ANKRD29: variants seen among roughly 807,000 people sequenced by gnomAD.
The protein encoded by ANKRD29 is ankyrin repeat domain 29.
ANKRD29 carries 32 observed loss-of-function variants against 38.0 expected under a neutral mutation model. The ratio of observed to expected loss-of-function variants is 0.84; its 90% confidence interval spans 0.64 to 1.13. The LOEUF (loss-of-function observed/expected upper bound fraction) is 1.13, where lower values mean the gene tolerates loss of function less well. Ranked by LOEUF, ANKRD29 falls within the 50% of genes most tolerant of loss-of-function variation. ANKRD29 has a pLI of 0.00. For synonymous variants in ANKRD29, 135 were observed against 152.4 expected (o/e 0.89, Z 0.84); for missense variants, 357 against 377.9 (o/e 0.94, Z 0.46).
intron 3 of ANKRD29, among the ~76,000 whole-genome samples, chr18:23,639,515 A>G (rs986513194): frequency 1.3e-5 from 2 of 150,272 alleles, no homozygotes; most frequent in African/African-American, 2.4e-5. Flanking sequence ...ACAACTATGT[A>G]TGATTTTACT....
Position 23,662,881 on chromosome 18 carries a change from C to T in ANKRD29, c.-151G>A. 1 of 621,754 alleles carries T rather than the reference C, an allele frequency of 1.6e-6. No homozygotes were observed. The highest frequency in any genetic ancestry group is 2.0e-6 in the Non-Finnish European group (1 of 490,082). 38.5% of individuals were successfully genotyped at this position (621,754 alleles called of 1,614,324 possible). A position where few individuals can be genotyped will look rare whatever the true frequency, so the allele number is the denominator to read the frequency against. ...CGCCGCCCGGCCCGGCAGCAGCCGC[C>T]GCACACAGGGCCGGGCCGAAGGGGC... On this transcript the variant is annotated 5_prime_UTR_variant, in exon 1 of 10. Coordinates refer to ENST00000592179, the MANE Select transcript of ANKRD29 (RefSeq NM_173505.4).
chr18:23,609,484 G>A (rs546018904), intron 9 of ANKRD29, among the ~76,000 whole-genome samples: 9 of 152,290 alleles, frequency 5.9e-5, no homozygotes, highest in African/African-American at 1.2e-4. Context: ...CTGGCTCTGC[G>A]TGAATTACTC....
chr18:23,610,087 G>A (rs1384876776), intron 9 of ANKRD29, among the ~76,000 whole-genome samples: 4 of 152,098 alleles, frequency 2.6e-5, no homozygotes, highest in Non-Finnish European at 4.4e-5. Context: ...AGTAAGATAT[G>A]CTTAGAAAAA....
intron 1 of ANKRD29, among the ~76,000 whole-genome samples, chr18:23,652,473 C>A (rs2060221744): frequency 6.6e-6 from 1 of 152,126 alleles, no homozygotes; most frequent in Non-Finnish European, 1.5e-5. Flanking sequence ...TGACCTCCTT[C>A]CTATCCTCCA....
At position 23,629,958 on chromosome 18, in the gene ANKRD29, G is replaced by A. The variant is rs1380497473; in HGVS notation, c.430-7C>T. The A allele has an allele frequency of 6.2e-7, 1 of 1,607,836 alleles. No individual in the cohort carries two copies. On this transcript the variant is annotated splice_polypyrimidine_tract_variant and splice_region_variant and intron_variant, in intron 5 of 9. Transcript: ENST00000592179. ...AGAGGGCAGTGGCTCCATCCTGAGA[G>A]AGAACAAATTAAAAGCATTAAAAAC...
intron 6 of ANKRD29, among the ~76,000 whole-genome samples, chr18:23,622,555 TTATC>T (rs781544203): frequency 3.3e-5 from 5 of 152,194 alleles, no homozygotes; most frequent in Admixed American, 6.5e-5. Context: ...TTGTGAAAAA[TTATC>T]TATCTATCTA....
At chr18:23,610,615 CA>C (rs2059629679) in intron 9 of ANKRD29, among the ~76,000 whole-genome samples, 1 of 151,686 alleles carries the variant, frequency 6.6e-6, no homozygotes, top group Non-Finnish European at 1.5e-5. Context: ...GGCAACACAG[CA>C]AGAACACATC....
intron 1 of ANKRD29, among the ~76,000 whole-genome samples, chr18:23,654,324 A>AAATC (rs1216033335): frequency 1.7e-3 from 245 of 140,470 alleles, no homozygotes; most frequent in African/African-American, 5.9e-3. Flanking sequence ...ATAAATAAAT[A>AAATC]AATCCAAGTC....
At chr18:23,660,003 C>T (rs544704078) in intron 1 of ANKRD29, among the ~76,000 whole-genome samples, 19 of 151,912 alleles carry the variant, frequency 1.3e-4, no homozygotes, top group Middle Eastern at 3.4e-3. Flanking sequence ...CCCAGCTACT[C>T]GGGGGGCTGA....
At chr18:23,608,693 A>T (rs960051359) in intron 9 of ANKRD29, among the ~76,000 whole-genome samples, 4 of 152,204 alleles carry the variant, frequency 2.6e-5, no homozygotes, top group African/African-American at 7.2e-5. Flanking sequence ...TGCTGGGCAT[A>T]GGTCAGACTA....
At chr18:23,662,522 C>T (rs1017623805) in intron 1 of ANKRD29, among the ~76,000 whole-genome samples, 188 bp downstream of exon 1, 40 of 152,120 alleles carry the variant, frequency 2.6e-4, no homozygotes, top group Admixed American at 7.2e-4. Context: ...AACCGCAAAC[C>T]CACAGGGCGC....
At chr18:23,620,453 G>A (rs2059782618) in intron 6 of ANKRD29, among the ~76,000 whole-genome samples, 1 of 152,142 alleles carries the variant, frequency 6.6e-6, no homozygotes. Flanking sequence ...GGATGGGGAA[G>A]GATTTGACAG....
rs931346328 is a variant in ANKRD29 at position 23,660,722 on chromosome 18, G to T, written c.21+1988C>A. On this transcript the variant is annotated intron_variant, in intron 1 of 9. Coordinates refer to ENST00000592179, the MANE Select transcript of ANKRD29 (RefSeq NM_173505.4). ...CTCAGGAGGCTGAGCCAGGAGAATC[G>T]CTTGAACCCGAGAGGCAGAGGTTGC... Among the ~76,000 whole-genome samples, 4 of 152,200 alleles carry T rather than the reference G, an allele frequency of 2.6e-5. No individual in the cohort carries two copies. The East Asian group carries it at 5.8e-4, about 22-fold the overall frequency.
At chr18:23,636,260 T>G (rs1798661050) in intron 4 of ANKRD29, among the ~76,000 whole-genome samples, 1 of 151,290 alleles carries the variant, frequency 6.6e-6, no homozygotes, top group Non-Finnish European at 1.5e-5. Context: ...CCTAGCCTCT[T>G]GAGTAGCTGG....
At chr18:23,656,337 A>G (rs2060283801) in intron 1 of ANKRD29, among the ~76,000 whole-genome samples, 1 of 152,130 alleles carries the variant, frequency 6.6e-6, no homozygotes, top group Non-Finnish European at 1.5e-5. Context: ...ATTGTGACTT[A>G]TAATGCTCTA....
chr18:23,657,404 A>G (rs1177783125), intron 1 of ANKRD29, among the ~76,000 whole-genome samples: 1 of 152,160 alleles, frequency 6.6e-6, no homozygotes, highest in Admixed American at 6.5e-5. Flanking sequence ...AATCATCCCC[A>G]AGCCTTCTCC....
At chr18:23,607,736 C>T (rs1405700910) in intron 9 of ANKRD29, among the ~76,000 whole-genome samples, 1 of 152,186 alleles carries the variant, frequency 6.6e-6, no homozygotes, top group Non-Finnish European at 1.5e-5. Flanking sequence ...GCGAGTGCCC[C>T]AGGCTAGCCC....
intron 6 of ANKRD29, among the ~76,000 whole-genome samples, chr18:23,626,267 C>G (rs1043764177): frequency 4.3e-4 from 66 of 152,292 alleles, no homozygotes; most frequent in African/African-American, 1.5e-3. Context: ...ATGACTTTTC[C>G]TCCAGCCTTC....
intron 1 of ANKRD29, among the ~76,000 whole-genome samples, chr18:23,654,182 C>T (rs1348253643): frequency 6.6e-6 from 1 of 151,862 alleles, no homozygotes; most frequent in Non-Finnish European, 1.5e-5. Flanking sequence ...AGGAGAATTG[C>T]TTGAATCCGG....
Sources: gnomAD v4.1 joint callset for allele counts (sites outside exome capture counted in the v4.1 genomes callset) on GRCh38, gnomAD v4.1.1 for gene constraint, MANE v1.5 for transcripts, NCBI Gene and HGNC (gene_info 2026-07-23, HGNC 2026-07-21) for gene names.